The following PATJ variants were observed in gnomAD, a reference collection of about 807,000 sequenced individuals.
The protein encoded by PATJ is inaD-like protein.
In PATJ, 190 loss-of-function variants were observed where a neutral mutation model predicts 224.9. The ratio of observed to expected loss-of-function variants is 0.84; its 90% CI spans 0.75 to 0.95. PATJ has a LOEUF of 0.95. Among genes scored for constraint, PATJ ranks in the 40% least tolerant of loss-of-function variants. The probability of loss-of-function intolerance (pLI) is 0.00; values close to 1 mark genes in which losing one functional copy is unlikely to be tolerated. For missense variants in PATJ, 2,121 were observed against 2,270.3 expected, an observed-to-expected ratio of 0.93 and a Z score of 1.34; for synonymous variants, 769 against 820.3, an observed-to-expected ratio of 0.94 and a Z score of 1.07.
intron 33 of PATJ, among the ~76,000 whole-genome samples, chr1:62,096,679 G>A (rs773338401): frequency 1.3e-5 from 2 of 152,022 alleles, no homozygotes; most frequent in Non-Finnish European, 2.9e-5. Context: ...GCAATGGCGC[G>A]ATCTCAGCTC....
chr1:61,748,159 G>A, intron 1 of PATJ, among the ~76,000 whole-genome samples: 1 of 149,964 alleles, frequency 6.7e-6, no homozygotes, highest in Admixed American at 6.7e-5. Context: ...AATTACAAGT[G>A]TGAGCCACTG....
intron 27 of PATJ, among the ~76,000 whole-genome samples, chr1:61,939,511 G>GT (rs966702680): frequency 2.6e-4 from 39 of 150,962 alleles, no homozygotes; most frequent in Middle Eastern, 3.2e-3. Flanking sequence ...TAAAAATCAG[G>GT]TTTTTTTTGC....
At chr1:62,036,006 G>GA (rs1650311119) in intron 29 of PATJ, among the ~76,000 whole-genome samples, 1 of 150,198 alleles carries the variant, frequency 6.7e-6, no homozygotes, top group African/African-American at 2.5e-5. Flanking sequence ...GAAGTGGAAA[G>GA]AAAGTCTGTG....
At chr1:61,838,521 A>ATTTTTTTTTTT (rs34877280) in intron 17 of PATJ, among the ~76,000 whole-genome samples, 236 of 115,530 alleles carry the variant, frequency 2.0e-3, no homozygotes, top group African/African-American at 5.5e-3. Flanking sequence ...CGCCTGGCTA[A>ATTTTTTTTTTT]TTTTTTTTTT....
rs554734748 is a variant in PATJ, at chr1:61,773,674, C to G, written c.721-1532C>G. 6.2e-4 allele frequency among the ~76,000 whole-genome samples: 95 copies of G among 152,080 alleles called. 1 individual carries two copies. Among genetic ancestry groups the G allele is most frequent in the African/African-American group, 2.0e-3 (82 of 41,508 alleles). On this transcript the variant is annotated intron_variant, in intron 6 of 43. Coordinates refer to ENST00000642238, the MANE Select transcript of PATJ (RefSeq NM_001350145.3). Reference sequence around the variant, plus strand: ...TGGTGGTGCATGCTTGTAATCCCAGCTGGTCGGGAGGCTGAAGCAGGAGAA... The same window carrying G: ...TGGTGGTGCATGCTTGTAATCCCAGGTGGTCGGGAGGCTGAAGCAGGAGAA...
intron 16 of PATJ, among the ~76,000 whole-genome samples, chr1:61,830,425 A>G (rs889428603): frequency 6.6e-6 from 1 of 152,058 alleles, no homozygotes; most frequent in African/African-American, 2.4e-5. Flanking sequence ...TAAAGTGGCC[A>G]TACTGCCCAA....
intron 27 of PATJ, among the ~76,000 whole-genome samples, chr1:61,973,087 A>T (rs1279942731): frequency 6.6e-6 from 1 of 152,102 alleles, no homozygotes; most frequent in African/African-American, 2.4e-5. Flanking sequence ...ATTAATAAAT[A>T]GCCTGTTTCT....
intron 26 of PATJ, among the ~76,000 whole-genome samples, chr1:61,921,271 A>C (rs1428911162): frequency 6.6e-6 from 1 of 152,194 alleles, no homozygotes; most frequent in Non-Finnish European, 1.5e-5. Context: ...TTTTGCAAAA[A>C]GATGAGGAAA....
chr1:62,123,357 T>C (rs1665315190), intron 39 of PATJ, among the ~76,000 whole-genome samples: 1 of 151,588 alleles, frequency 6.6e-6, no homozygotes, highest in Non-Finnish European at 1.5e-5. Flanking sequence ...TAAAGTTTTA[T>C]AAAACAAAAA....
chr1:61,766,003 G>T (rs1468285160), intron 3 of PATJ, among the ~76,000 whole-genome samples: 1 of 152,180 alleles, frequency 6.6e-6, no homozygotes, highest in East Asian at 1.9e-4. Context: ...TATATGTGAA[G>T]TGTAAAAAGA....
intron 17 of PATJ, among the ~76,000 whole-genome samples, chr1:61,838,543 T>A (rs1206619522): frequency 7.0e-6 from 1 of 142,040 alleles, no homozygotes; most frequent in Non-Finnish European, 1.6e-5. Context: ...TTTTTTTTTT[T>A]GTATTTTTAG....
At position 61,934,415 on chromosome 1, in the gene PATJ, G is replaced by T. The variant is rs138845558; in HGVS notation, c.3670+6586G>T. 2.4e-3 allele frequency among the ~76,000 whole-genome samples: 370 copies of T among 152,306 alleles called. 1 individual carries two copies. The highest frequency in any genetic ancestry group is 8.5e-3 in the African/African-American group (355 of 41,570). On this transcript the variant is annotated intron_variant, in intron 27 of 43. Coordinates refer to ENST00000642238, the MANE Select transcript of PATJ (RefSeq NM_001350145.3). ...TTACAGGTGTGAGCCACCATGCCCA[G>T]CCCTTTACATTTTTATCACCACAGT...
At chr1:61,795,684 G>T in intron 10 of PATJ, 126 bp downstream of exon 10, 1 of 523,298 alleles carries the variant, frequency 1.9e-6, no homozygotes, top group South Asian at 3.8e-5. Flanking sequence ...AATTAAGTTT[G>T]TTATACAGTG....
chr1:61,775,802 C>A (rs571914933), intron 7 of PATJ, among the ~76,000 whole-genome samples: 1 of 152,026 alleles, frequency 6.6e-6, no homozygotes, highest in Non-Finnish European at 1.5e-5. Context: ...AGTGTTTAAA[C>A]TGAAAGTGGG....
intron 25 of PATJ, among the ~76,000 whole-genome samples, chr1:61,908,727 C>T (rs1672199481): frequency 6.6e-6 from 1 of 152,128 alleles, no homozygotes; most frequent in Admixed American, 6.5e-5. Context: ...TCAAACAGAC[C>T]TGTTTTCAAT....
chr1:61,784,294 C>T (rs1648031050), intron 7 of PATJ, among the ~76,000 whole-genome samples: 1 of 152,186 alleles, frequency 6.6e-6, no homozygotes, highest in African/African-American at 2.4e-5. Flanking sequence ...ACAAAAGGGA[C>T]TTTATGCCTT....
intron 1 of PATJ, among the ~76,000 whole-genome samples, chr1:61,744,278 C>G (rs1255291605): frequency 5.1e-5 from 3 of 59,130 alleles, no homozygotes; most frequent in African/African-American, 6.9e-5. Context: ...AGCAAGAACC[C>G]TGTCTCAAAA....
At chr1:62,148,243 C>A in intron 41 of PATJ, 41 bp from the exon 42 acceptor site, 1 of 1,393,678 alleles carries the variant, frequency 7.2e-7, no homozygotes, top group Non-Finnish European at 1.0e-6. Context: ...TAATTCTCCC[C>A]TTCTTTATAA....
In PATJ at chr1:62,160,941, G is replaced by T; in HGVS notation, c.5536G>T (p.Gly1846Trp). ...TGCAGATGACGGCCGATTAAAACGA[G>T]GGGATCAGATTTTAGCTGTTAATGG... ...AAADDGRLKR[G>W]DQILAVNGET... is the part of the protein sequence containing the mutation. The change falls in exon 44 of 44, where the codon GGG becomes TGG. Residue 1846 changes from glycine (G) to tryptophan (W), a missense_variant. Physicochemically the swap from Gly to Trp is radical, Grantham distance 184. Coordinates refer to ENST00000642238, the MANE Select transcript of PATJ (RefSeq NM_001350145.3). 6.2e-7 allele frequency: 1 copy of T among 1,614,022 alleles called. No individual in the cohort carries two copies. Among genetic ancestry groups the T allele is most frequent in the Non-Finnish European group, 8.5e-7 (1 of 1,180,006 alleles).
Sources: allele counts gnomAD v4.1 joint callset (sites outside exome capture counted in the v4.1 genomes callset), GRCh38; gene constraint gnomAD v4.1.1; transcripts MANE v1.5; gene names NCBI Gene and HGNC (gene_info 2026-07-23, HGNC 2026-07-21).